The following SLC44A3 variants were observed in gnomAD, a reference collection of about 807,000 sequenced individuals.
SLC44A3 encodes the protein solute carrier family 44 member 3.
In SLC44A3, 74 loss-of-function variants were observed where a neutral mutation model predicts 75.4. The ratio of observed to expected loss-of-function variants is 0.98; its 90% CI spans 0.81 to 1.19. The LOEUF is 1.19. Ranked by LOEUF, SLC44A3 falls within the 50% of genes most tolerant of loss-of-function variation. The pLI is 0.00. For synonymous variants in SLC44A3, 310 were observed against 296.9 expected (o/e 1.04, Z -0.45); for missense variants, 700 against 778.6 (o/e 0.90, Z 1.20).
intron 9 of SLC44A3, among the ~76,000 whole-genome samples, chr1:94,848,539 G>C (rs1455982257): frequency 6.6e-6 from 1 of 152,210 alleles, no homozygotes; most frequent in East Asian, 1.9e-4. Context: ...CAGCCAGGGG[G>C]CCCCTTGTTG....
intron 14 of SLC44A3, 85 bp from the exon 15 acceptor site, chr1:94,894,733 G>T: frequency 1.8e-6 from 2 of 1,101,524 alleles, no homozygotes; most frequent in Non-Finnish European, 2.7e-6. Flanking sequence ...CCGTCAGAGG[G>T]CAAAGGAGAA....
In SLC44A3 at chr1:94,894,947, G is replaced by A. The variant is rs1387061065; in HGVS notation, c.*25G>A. 3 of 1,559,504 alleles carry A rather than the reference G, an allele frequency of 1.9e-6. No homozygotes were observed. Among genetic ancestry groups the A allele is most frequent in the South Asian group, 2.3e-5 (2 of 86,098 alleles). On this transcript the variant is annotated 3_prime_UTR_variant, in exon 15 of 15. Transcript: ENST00000271227. ...GATACCCATTTAGGTATCTGTACCT[G>A]GAAAACATTTCCTTCTAAGAGCCAT...
At chr1:94,864,619 T>A in intron 10 of SLC44A3, 124 bp from the exon 11 acceptor site, 1 of 980,984 alleles carries the variant, frequency 1.0e-6, no homozygotes, top group Non-Finnish European at 1.5e-6. Flanking sequence ...GTATAAAAAG[T>A]TCGCCAAATG....
chr1:94,888,867 T>G (rs1669901568), intron 12 of SLC44A3: 1 of 178,294 alleles, frequency 5.6e-6, no homozygotes, highest in Non-Finnish European at 1.1e-5. Context: ...GTAGCTAGGA[T>G]CATAGGCATG....
rs970769413 is a variant in SLC44A3 at position 94,820,656 on chromosome 1, G to C, written c.27+178G>C. 5.1e-6 allele frequency: 7 copies of C among 1,385,946 alleles called. No homozygotes were observed. In the Admixed American group the frequency reaches 2.2e-4, roughly 44 times the overall value. 85.9% of individuals were successfully genotyped at this position (1,385,946 alleles called of 1,614,324 possible). A position where few individuals can be genotyped will look rare whatever the true frequency, so the allele number is the denominator to read the frequency against. The stretch of plus-strand genomic sequence containing the variant: ...GGAACCTGGACCCTGCTCCAGTGCT[G>C]GGGCGGAGGCGGGGGAGACGCGGGC... On this transcript the variant is annotated intron_variant, in intron 1 of 14. Transcript: ENST00000271227.
At chr1:94,872,316 G>A (rs1483036053) in intron 12 of SLC44A3, among the ~76,000 whole-genome samples, 2 of 151,980 alleles carry the variant, frequency 1.3e-5, no homozygotes, top group African/African-American at 4.8e-5. Flanking sequence ...GGCTGGTCTC[G>A]AACTCCTGAC....
rs752543591 is a variant in SLC44A3 at position 94,892,375 on chromosome 1, C to CT, written c.1722dup (p.Ala575CysfsTer7). On this transcript the variant is annotated frameshift_variant, in exon 14 of 15. Transcript: ENST00000271227. LOFTEE classifies it high-confidence loss of function. Reference sequence around the variant, plus strand: ...TGGGCAGTCCCTCTGTTATTGGTAGCTTTTTTTGCCTACTTAGTAGCCCAT... The same window carrying CT: ...TGGGCAGTCCCTCTGTTATTGGTAGCTTTTTTTTGCCTACTTAGTAGCCCAT... 1 of 1,614,072 alleles carries CT rather than the reference C, an allele frequency of 6.2e-7. No individual in the cohort carries two copies. Among genetic ancestry groups the CT allele is most frequent in the Non-Finnish European group, 8.5e-7 (1 of 1,179,976 alleles).
At chr1:94,828,113 T>C (rs1661622260) in intron 4 of SLC44A3, among the ~76,000 whole-genome samples, 3 of 152,244 alleles carry the variant, frequency 2.0e-5, no homozygotes, top group African/African-American at 7.2e-5. Flanking sequence ...CCAGAAGCAC[T>C]TGTATAACTA....
At chr1:94,831,240 C>T (rs568403006) in intron 5 of SLC44A3, among the ~76,000 whole-genome samples, 2 of 152,278 alleles carry the variant, frequency 1.3e-5, no homozygotes, top group South Asian at 4.1e-4. Flanking sequence ...AAAGACAAAA[C>T]CCTTGACTGA....
At chr1:94,824,309 T>C (rs1661002722) in intron 2 of SLC44A3, among the ~76,000 whole-genome samples, 184 bp from the exon 3 acceptor site, 1 of 152,220 alleles carries the variant, frequency 6.6e-6, no homozygotes, top group South Asian at 2.1e-4. Context: ...AATGTATAAG[T>C]AGCAGAGGAG....
chr1:94,828,594 C>A lies in SLC44A3; in HGVS notation c.509+8C>A. The A allele has an allele frequency of 6.2e-7, 1 of 1,612,442 alleles. No homozygotes were observed. ...GCTACCAGTTCCTCCAAGGTAAAAG[C>A]TTCCATACTTTTTCCTTAACTCTAA... On this transcript the variant is annotated splice_region_variant and intron_variant, in intron 5 of 14. Transcript: ENST00000271227.
At chr1:94,821,318 G>A (rs998100598) in intron 2 of SLC44A3, among the ~76,000 whole-genome samples, 2 of 152,138 alleles carry the variant, frequency 1.3e-5, no homozygotes, top group African/African-American at 4.8e-5. Context: ...TATTTAGTAA[G>A]GCCAATGTGT....
chr1:94,837,533 C>G (rs1201446662), intron 5 of SLC44A3, among the ~76,000 whole-genome samples, 178 bp from the exon 6 acceptor site: 1 of 152,154 alleles, frequency 6.6e-6, no homozygotes, highest in Non-Finnish European at 1.5e-5. Flanking sequence ...ATCAGCTAAT[C>G]GATGTAGCAG....
At chr1:94,879,667 G>A (rs1297746562) in intron 12 of SLC44A3, among the ~76,000 whole-genome samples, 2 of 150,614 alleles carry the variant, frequency 1.3e-5, no homozygotes, top group African/African-American at 2.4e-5. Flanking sequence ...GTGAAACCCC[G>A]TCTCTACTAA....
At chr1:94,843,932 C>G (rs1664046345) in intron 8 of SLC44A3, among the ~76,000 whole-genome samples, 1 of 151,846 alleles carries the variant, frequency 6.6e-6, no homozygotes, top group African/African-American at 2.4e-5. Context: ...TTATTGGGGT[C>G]TAGAAGAAAG....
intron 5 of SLC44A3, among the ~76,000 whole-genome samples, chr1:94,832,422 A>G (rs1439453464): frequency 1.3e-5 from 2 of 152,222 alleles, no homozygotes; most frequent in African/African-American, 4.8e-5. Flanking sequence ...AAATGTAAGT[A>G]TAAACCTATA....
At chr1:94,831,700 A>G (rs1362480706) in intron 5 of SLC44A3, among the ~76,000 whole-genome samples, 1 of 152,010 alleles carries the variant, frequency 6.6e-6, no homozygotes, top group Non-Finnish European at 1.5e-5. Context: ...TTCTAGTTCT[A>G]CTCTCCCACA....
At chr1:94,879,846 A>G (rs962161938) in intron 12 of SLC44A3, among the ~76,000 whole-genome samples, 1 of 151,820 alleles carries the variant, frequency 6.6e-6, no homozygotes, top group African/African-American at 2.4e-5. Context: ...CTCAAAAAAA[A>G]AAAAAAAGAA....
intron 9 of SLC44A3, among the ~76,000 whole-genome samples, chr1:94,846,351 G>A (rs902627924): frequency 6.6e-6 from 1 of 152,142 alleles, no homozygotes; most frequent in Non-Finnish European, 1.5e-5. Context: ...GCCAGCCTCA[G>A]AGATTGATTC....
Sources: allele counts gnomAD v4.1 joint callset (sites outside exome capture counted in the v4.1 genomes callset), GRCh38; gene constraint gnomAD v4.1.1; transcripts MANE v1.5; gene names NCBI Gene and HGNC (gene_info 2026-07-23, HGNC 2026-07-21).